FGF14: variants seen among roughly 807,000 people sequenced by gnomAD.
FGF14 encodes fibroblast growth factor homologous factor 4.
Under a neutral mutation model 25.5 loss-of-function variants are expected in FGF14, and 5 were observed. That is an observed-to-expected ratio of 0.20 (90% CI 0.10 to 0.41). The LOEUF (loss-of-function observed/expected upper bound fraction) is 0.41, where lower values mean the gene tolerates loss of function less well. Ranked by LOEUF, FGF14 falls within the 10% of genes least tolerant of loss-of-function variation. The pLI, the probability that FGF14 is intolerant of heterozygous loss-of-function variation, is 1.00. For synonymous variants in FGF14, 138 were observed against 118.3 expected (o/e 1.17, Z -1.08); for missense variants, 222 against 320.1 (o/e 0.69, Z 2.34).
chr13:102,257,990 G>C (rs1053672222), intron 1 of FGF14, among the ~76,000 whole-genome samples: 1 of 152,162 alleles, frequency 6.6e-6, no homozygotes, highest in Non-Finnish European at 1.5e-5. Context: ...AAAGAAAAAT[G>C]TTTAATGGAC....
At chr13:102,373,938 G>A (rs1286332229) in intron 1 of FGF14, among the ~76,000 whole-genome samples, 1 of 152,088 alleles carries the variant, frequency 6.6e-6, no homozygotes, top group East Asian at 1.9e-4. Flanking sequence ...GGTGGGACCT[G>A]AGCACTGAGA....
intron 1 of FGF14, among the ~76,000 whole-genome samples, chr13:102,235,685 G>A (rs1343754121): frequency 6.6e-6 from 1 of 152,122 alleles, no homozygotes; most frequent in African/African-American, 2.4e-5. Flanking sequence ...AGAAAAATGT[G>A]TCTCTTCAAG....
chr13:101,805,261 G>A (rs1252218022), intron 3 of FGF14, among the ~76,000 whole-genome samples: 1 of 152,050 alleles, frequency 6.6e-6, no homozygotes, highest in Non-Finnish European at 1.5e-5. Flanking sequence ...TGAAAACAAG[G>A]TTGAAAATAC....
intron 1 of FGF14, among the ~76,000 whole-genome samples, chr13:102,127,606 T>C (rs1293091145): frequency 6.6e-6 from 1 of 152,224 alleles, no homozygotes; most frequent in Non-Finnish European, 1.5e-5. Flanking sequence ...GAATCATGAA[T>C]GCTTATGATT....
At chr13:102,260,537 C>G (rs117971545) in intron 1 of FGF14, among the ~76,000 whole-genome samples, 12 of 152,244 alleles carry the variant, frequency 7.9e-5, no homozygotes, top group African/African-American at 2.9e-4. Flanking sequence ...TGCAAACCTG[C>G]AGCTGCTTCT....
At chr13:102,258,063 C>T (rs2052534590) in intron 1 of FGF14, among the ~76,000 whole-genome samples, 1 of 152,136 alleles carries the variant, frequency 6.6e-6, no homozygotes, top group Non-Finnish European at 1.5e-5. Context: ...GCATGTCTTA[C>T]ATGGCAGCAG....
At chr13:102,119,638 CTG>C (rs1172310874) in intron 1 of FGF14, among the ~76,000 whole-genome samples, 2 of 152,128 alleles carry the variant, frequency 1.3e-5, no homozygotes, top group African/African-American at 4.8e-5. Flanking sequence ...ATATGTATGT[CTG>C]TGTGCATATA....
intron 1 of FGF14, among the ~76,000 whole-genome samples, chr13:102,347,435 G>A (rs558851195): frequency 6.6e-6 from 1 of 152,306 alleles, no homozygotes; most frequent in East Asian, 1.9e-4. Context: ...CTGAGATGGT[G>A]AGGTGGATGT....
At chr13:102,273,506 AAAAGTG>A (rs1488592164) in intron 1 of FGF14, among the ~76,000 whole-genome samples, 1 of 152,220 alleles carries the variant, frequency 6.6e-6, no homozygotes. Flanking sequence ...GTGCTTGCTG[AAAAGTG>A]AATTTTGTGA....
At position 102,137,542 on chromosome 13, in the gene FGF14, G is replaced by A. The variant is rs367890450; in HGVS notation, c.209-262246C>T. ...AATCCCTACAAAGAAATGGACTTAA[G>A]CTTGGTGCAACCCAAGGAACTTGTT... On this transcript the variant is annotated intron_variant, in intron 1 of 4. Coordinates refer to the FGF14 transcript ENST00000376131. Among the ~76,000 whole-genome samples, 3 of 152,222 alleles carry A rather than the reference G, an allele frequency of 2.0e-5. No homozygotes were observed. In the East Asian group the frequency reaches 5.8e-4, roughly 30 times the overall value.
chr13:102,048,018 TAA>T (rs3066009), intron 1 of FGF14, among the ~76,000 whole-genome samples: 7 of 142,874 alleles, frequency 4.9e-5, no homozygotes, highest in Admixed American at 7.0e-5. Context: ...CTTAGTTGTT[TAA>T]AAAAAAAAAA....
At chr13:101,942,313 T>C (rs2035504188) in intron 1 of FGF14, among the ~76,000 whole-genome samples, 3 of 152,060 alleles carry the variant, frequency 2.0e-5, no homozygotes, top group Non-Finnish European at 4.4e-5. Flanking sequence ...TTCTCCTTAT[T>C]CCCTTAGACA....
intron 3 of FGF14, among the ~76,000 whole-genome samples, chr13:101,778,503 G>A (rs2039281334): frequency 6.6e-6 from 1 of 152,096 alleles, no homozygotes; most frequent in South Asian, 2.1e-4. Flanking sequence ...AGTCAGGCTG[G>A]GCTCCTTGCT....
chr13:101,840,897 C>A (rs1299487262), intron 3 of FGF14, among the ~76,000 whole-genome samples: 1 of 151,888 alleles, frequency 6.6e-6, no homozygotes, highest in Non-Finnish European at 1.5e-5. Context: ...TAAACTGGTA[C>A]AAAGATGCCA....
chr13:102,311,396 T>C lies in FGF14; in HGVS notation c.208+90075A>G, dbSNP rs551995294. On this transcript the variant is annotated intron_variant, in intron 1 of 4. Transcript: ENST00000376131. ...CTCTTTAAAGTAAAACTAAGTTTTGTCAATGATTCTCCCCAAGAAATAATG... is the reference window on the plus strand; with the variant it reads ...CTCTTTAAAGTAAAACTAAGTTTTGCCAATGATTCTCCCCAAGAAATAATG... Among the ~76,000 whole-genome samples the C allele has an allele frequency of 3.3e-5, 5 of 152,260 alleles. No homozygotes were observed. In the East Asian group the frequency reaches 9.7e-4, roughly 29 times the overall value.
chr13:101,794,495 C>T (rs1456334640), intron 3 of FGF14, among the ~76,000 whole-genome samples: 1 of 152,048 alleles, frequency 6.6e-6, no homozygotes, highest in East Asian at 1.9e-4. Flanking sequence ...GGCCAAATCG[C>T]AAGCATTTTG....
At chr13:102,335,096 T>C (rs2056753735) in intron 1 of FGF14, among the ~76,000 whole-genome samples, 1 of 152,160 alleles carries the variant, frequency 6.6e-6, no homozygotes, top group Non-Finnish European at 1.5e-5. Flanking sequence ...TCCCTGTGTC[T>C]CTGTACGATG....
intron 1 of FGF14, among the ~76,000 whole-genome samples, chr13:102,244,777 AGCAGAG>A (rs1286789488): frequency 6.6e-5 from 10 of 152,058 alleles, no homozygotes; most frequent in Non-Finnish European, 4.4e-5. Flanking sequence ...GCTCCATCCC[AGCAGAG>A]GCCATGTGGA....
intron 1 of FGF14, chr13:102,292,633 A>G (rs189457417): frequency 2.2e-4 from 33 of 152,324 alleles, no homozygotes; most frequent in Admixed American, 6.5e-4. Flanking sequence ...AAAACGTTAT[A>G]TATCAAACAA....
Sources: gnomAD v4.1 joint callset for allele counts (sites outside exome capture counted in the v4.1 genomes callset) on GRCh38, gnomAD v4.1.1 for gene constraint, MANE v1.5 for transcripts, NCBI Gene and HGNC (gene_info 2026-07-23, HGNC 2026-07-21) for gene names.